The following DGKD variants were observed in gnomAD, a reference collection of about 807,000 sequenced individuals.
The protein encoded by DGKD is diacylglycerol kinase delta, also known as DAG kinase delta.
In DGKD, 68 loss-of-function variants were observed where a neutral mutation model predicts 154.4. The observed-to-expected ratio is 0.44, with a 90% confidence interval of 0.36 to 0.54. The LOEUF is 0.54. Among genes scored for constraint, DGKD ranks in the 20% least tolerant of loss-of-function variants. The probability of loss-of-function intolerance (pLI) is 0.00; values close to 1 mark genes in which losing one functional copy is unlikely to be tolerated. For synonymous variants in DGKD, 693 were observed against 638.0 expected, an observed-to-expected ratio of 1.09 and a Z score of -1.30; for missense variants, 1,343 against 1,593.6, an observed-to-expected ratio of 0.84 and a Z score of 2.68.
At chr2:233,447,198 C>T (rs1376789694) in intron 12 of DGKD, among the ~76,000 whole-genome samples, 1 of 149,628 alleles carries the variant, frequency 6.7e-6, no homozygotes, top group Non-Finnish European at 1.5e-5. Flanking sequence ...CCTAGCCCCC[C>T]GGCTCCTGCC....
At position 233,459,589 on chromosome 2, in the gene DGKD, C is replaced by T. The variant is rs756095677; in HGVS notation, c.2695-168C>T. 3.3e-5 allele frequency among the ~76,000 whole-genome samples: 5 copies of T among 152,178 alleles called. No homozygotes were observed. The highest frequency in any genetic ancestry group is 3.2e-3 in the Middle Eastern group (1 of 316). On this transcript the variant is annotated intron_variant, in intron 22 of 29. Transcript: ENST00000264057. The surrounding 1 kb of genome is among the most constrained non-coding windows in gnomAD (Gnocchi z 5.7). ...ACAGACCCTCGGTTGAGTGACACAA[C>T]AGCAGAAGGCTAGCTGCAGGCGGAG...
chr2:233,363,460 T>C (rs1326118154), intron 1 of DGKD, among the ~76,000 whole-genome samples: 3 of 152,178 alleles, frequency 2.0e-5, no homozygotes, highest in Non-Finnish European at 4.4e-5. Context: ...AAAAATTAAA[T>C]TAAAAGTTTA....
chr2:233,463,347 T>TCTC (rs1553542570), intron 26 of DGKD, among the ~76,000 whole-genome samples: 5 of 143,448 alleles, frequency 3.5e-5, no homozygotes, highest in East Asian at 2.1e-4. Flanking sequence ...ACTGCACGCA[T>TCTC]CTCACTCCAC....
intron 8 of DGKD, among the ~76,000 whole-genome samples, chr2:233,437,753 C>T (rs898532550): frequency 4.6e-5 from 7 of 152,144 alleles, no homozygotes; most frequent in Non-Finnish European, 7.3e-5. Context: ...GCCTGAGACC[C>T]GAGCCTGGCA....
Position 233,457,111 on chromosome 2 carries a change from G to A in DGKD, c.2473-110G>A, listed in dbSNP as rs973774363. 37 of 1,299,236 alleles carry A rather than the reference G, an allele frequency of 2.8e-5. No individual in the cohort carries two copies. The highest frequency in any genetic ancestry group is 1.9e-4 in the Middle Eastern group (1 of 5,286). 80.5% of individuals were successfully genotyped at this position (1,299,236 alleles called of 1,614,324 possible). Reference sequence around the variant, plus strand: ...CATGCACAGGGACTTGCCTGGGGATGCCCTGGCCACGGCTGTGCTCCTGAG... The same window carrying A: ...CATGCACAGGGACTTGCCTGGGGATACCCTGGCCACGGCTGTGCTCCTGAG... On this transcript the variant is annotated intron_variant, in intron 20 of 29. Transcript: ENST00000264057. The surrounding 1 kb of genome is among the most constrained non-coding windows in gnomAD (Gnocchi z 5.5).
intron 3 of DGKD, among the ~76,000 whole-genome samples, chr2:233,416,565 G>T (rs1443964839): frequency 6.6e-6 from 1 of 152,196 alleles, no homozygotes; most frequent in Non-Finnish European, 1.5e-5. Flanking sequence ...GTTAACTACA[G>T]TGTTACTATA....
intron 3 of DGKD, among the ~76,000 whole-genome samples, chr2:233,392,796 T>C (rs929945684): frequency 8.5e-5 from 13 of 152,220 alleles, no homozygotes; most frequent in Non-Finnish European, 1.6e-4. Context: ...TGAGTCCACA[T>C]CTGTAATTTA....
chr2:233,373,238 T>A (rs1482038509), intron 1 of DGKD, among the ~76,000 whole-genome samples: 1 of 152,190 alleles, frequency 6.6e-6, no homozygotes, highest in Non-Finnish European at 1.5e-5. Context: ...GAGGCGAAGC[T>A]GTGTTTACAG....
chr2:233,418,987 CTG>C (rs775351739), intron 3 of DGKD, among the ~76,000 whole-genome samples: 17 of 152,258 alleles, frequency 1.1e-4, no homozygotes, highest in Non-Finnish European at 2.4e-4. Flanking sequence ...GTGAGGAAGT[CTG>C]TTGTCTACGC....
At chr2:233,460,675 G>A (rs1225071171) in intron 24 of DGKD, among the ~76,000 whole-genome samples, 1 of 152,162 alleles carries the variant, frequency 6.6e-6, no homozygotes, top group African/African-American at 2.4e-5. Context: ...CAGATCACAA[G>A]GTCAAGAGAT....
In DGKD at chr2:233,458,113, C is replaced by T. The variant is rs1485835967; in HGVS notation, c.2581-171C>T. On this transcript the variant is annotated intron_variant, in intron 21 of 29. Transcript: ENST00000264057. The surrounding 1 kb of genome is among the most constrained non-coding windows in gnomAD (Gnocchi z 6.6). ...CCGAGATGAGAGCTGGGATTTGGTC[C>T]CAGGCAGCTGGTTTCAGGGCCTGCA... The T allele has an allele frequency of 7.6e-6, 4 of 528,590 alleles. No individual in the cohort carries two copies. Among genetic ancestry groups the T allele is most frequent in the Non-Finnish European group, 1.4e-5 (4 of 292,676 alleles). The allele number at this position is 528,590 out of a possible 1,614,324, so 32.7% of individuals were successfully genotyped here.
chr2:233,437,475 C>T lies in DGKD; in HGVS notation c.918C>T (p.Ser306=), dbSNP rs537835303. 32 of 1,613,976 alleles carry T rather than the reference C, an allele frequency of 2.0e-5. No individual in the cohort carries two copies. The highest frequency in any genetic ancestry group is 1.6e-4 in the South Asian group (15 of 90,984). ...CCACGGCTCTCAACAGCATCGACTC[C>T]GATGGTGGGTACCACACATGCTTAT... The part of the protein sequence containing the change: ...IPPTALNSID[S]DGFWKASCPP... Residue 306 remains serine (S), a synonymous_variant, in exon 8 of 30, where the codon TCC becomes TCT. Transcript: ENST00000264057.
chr2:233,358,124 C>G (rs558217129), intron 1 of DGKD, among the ~76,000 whole-genome samples: 1 of 152,274 alleles, frequency 6.6e-6, no homozygotes, highest in Non-Finnish European at 1.5e-5. Context: ...TATTTCCTGA[C>G]TACAGTACAC....
At position 233,450,185 on chromosome 2, in the gene DGKD, G is replaced by GACGT. The variant is rs549348358; in HGVS notation, c.2038+56_2038+59dup. 3,533 of 1,526,814 alleles carry GACGT rather than the reference G, an allele frequency of 2.3e-3. 9 individuals are homozygous for GACGT. The highest frequency in any genetic ancestry group is 3.4e-3 in the Middle Eastern group (19 of 5,656). 94.6% of individuals were successfully genotyped at this position (1,526,814 alleles called of 1,614,324 possible). On this transcript the variant is annotated intron_variant, in intron 16 of 29. Transcript: ENST00000264057. Reference sequence around the variant, plus strand: ...ACCGTCGTGTGCTTGGTTTTGGTGAGACGTAGCGGGCTTGCCAGGGGAGGT... The same window carrying GACGT: ...ACCGTCGTGTGCTTGGTTTTGGTGAGACGTACGTAGCGGGCTTGCCAGGGGAGGT...
Position 233,441,957 on chromosome 2 carries a change from G to A in DGKD, c.1156G>A (p.Val386Ile), listed in dbSNP as rs756962598. Residue 386 changes from valine (V) to isoleucine (I), a missense_variant, in exon 10 of 30, where the codon GTC becomes ATC. Physicochemically the swap from Val to Ile is conservative, Grantham distance 29. Transcript: ENST00000264057. The surrounding 1 kb of genome is among the most constrained non-coding windows in gnomAD (Gnocchi z 5.6). The stretch of plus-strand genomic sequence containing the variant: ...TGGCGGGGATGGAAGTGTTGGCTGG[G>A]TCCTCTCCGAAATCGACAGCCTCAA... ...VCGGDGSVGW[V>I]LSEIDSLNLH... The A allele has an allele frequency of 1.2e-6, 2 of 1,614,190 alleles. No individual in the cohort carries two copies. The highest frequency in any genetic ancestry group is 1.7e-6 in the Non-Finnish European group (2 of 1,180,030).
At chr2:233,467,243 G>A (rs748190374) in intron 28 of DGKD, 40 bp downstream of exon 28, 27 of 1,437,180 alleles carry the variant, frequency 1.9e-5, no homozygotes, top group South Asian at 3.4e-5. Flanking sequence ...GGCCGTCCAC[G>A]CCTGCTGGAT....
At chr2:233,367,680 ACT>A (rs1436052895) in intron 1 of DGKD, among the ~76,000 whole-genome samples, 6 of 151,314 alleles carry the variant, frequency 4.0e-5, no homozygotes, top group African/African-American at 1.5e-4. Flanking sequence ...AGTTTCAAAG[ACT>A]CTCACTTCTA....
At chr2:233,373,031 T>A (rs907417365) in intron 1 of DGKD, among the ~76,000 whole-genome samples, 2 of 152,172 alleles carry the variant, frequency 1.3e-5, no homozygotes, top group African/African-American at 2.4e-5. Flanking sequence ...GCTGATAAAA[T>A]GGGTACTGCG....
chr2:233,467,264 C>A, intron 28 of DGKD, 61 bp downstream of exon 28: 1 of 1,194,176 alleles, frequency 8.4e-7, no homozygotes, highest in Non-Finnish European at 1.3e-6. Flanking sequence ...CGGCCCCGTT[C>A]CCCTGGTCTC....
Sources: allele counts gnomAD v4.1 joint callset (sites outside exome capture counted in the v4.1 genomes callset), GRCh38; gene constraint gnomAD v4.1.1; non-coding constraint Gnocchi (gnomAD v3.1); transcripts MANE v1.5; gene names NCBI Gene and HGNC (gene_info 2026-07-23, HGNC 2026-07-21).